ANKFY1: variants seen among roughly 807,000 people sequenced by gnomAD.
ANKFY1 encodes the protein ankyrin repeat and FYVE domain containing 1, also known as ankyrin repeat and FYVE domain-containing protein 1.
Under a neutral mutation model 128.3 loss-of-function variants are expected in ANKFY1, and 47 were observed. The ratio of observed to expected loss-of-function variants is 0.37; its 90% confidence interval spans 0.29 to 0.47. ANKFY1 has a LOEUF of 0.47. Ranked by LOEUF, ANKFY1 falls within the 20% of genes least tolerant of loss-of-function variation. The pLI, the probability that ANKFY1 is intolerant of heterozygous loss-of-function variation, is 1.00. For synonymous variants in ANKFY1, 553 were observed against 601.6 expected, an observed-to-expected ratio of 0.92 and a Z score of 1.18; for missense variants, 1,222 against 1,510.6, an observed-to-expected ratio of 0.81 and a Z score of 3.17.
intron 5 of ANKFY1, among the ~76,000 whole-genome samples, chr17:4,209,449 C>T (rs952683899): frequency 2.6e-5 from 4 of 152,206 alleles, no homozygotes; most frequent in Non-Finnish European, 4.4e-5. Flanking sequence ...TACAGGCACG[C>T]ACCACTGAGC....
intron 1 of ANKFY1, among the ~76,000 whole-genome samples, chr17:4,259,594 T>C (rs558891965): frequency 6.6e-6 from 1 of 152,240 alleles, no homozygotes; most frequent in Non-Finnish European, 1.5e-5. Flanking sequence ...AAACATTGTA[T>C]TTTAGTTGCT....
chr17:4,204,624 A>C (rs910142754), intron 7 of ANKFY1, among the ~76,000 whole-genome samples: 3 of 152,384 alleles, frequency 2.0e-5, no homozygotes, highest in African/African-American at 7.2e-5. Context: ...CAATCACCAA[A>C]ATATTTAATA....
intron 8 of ANKFY1, among the ~76,000 whole-genome samples, chr17:4,196,871 G>A (rs2059833876): frequency 1.3e-5 from 2 of 152,300 alleles, no homozygotes; most frequent in South Asian, 2.1e-4. Context: ...CGTAATCCCA[G>A]CACTTTGGGA....
intron 11 of ANKFY1, chr17:4,188,489 T>C (rs921866577): frequency 1.3e-5 from 2 of 152,058 alleles, no homozygotes; most frequent in African/African-American, 4.8e-5. Context: ...GACTCCAAAA[T>C]AGAGAATTGA....
At chr17:4,224,668 GT>G (rs869230102) in intron 3 of ANKFY1, among the ~76,000 whole-genome samples, 1 of 138,508 alleles carries the variant, frequency 7.2e-6, no homozygotes, top group East Asian at 2.1e-4. Flanking sequence ...CTGTTTGTTT[GT>G]TTTTTTTTAG....
rs545305899 is a variant in ANKFY1 at position 4,207,824 on chromosome 17, G to A, written c.732+109C>T. 449 of 1,155,026 alleles carry A rather than the reference G, an allele frequency of 3.9e-4. 6 individuals are homozygous for A. In the South Asian group the frequency reaches 7.5e-3, roughly 19 times the overall value. 71.5% of individuals were successfully genotyped at this position (1,155,026 alleles called of 1,614,324 possible). ...CAAACTATTTAGTAGAAATCCGTAC[G>A]TTAAAGACTGTGCCAGTCATGGCTC... On this transcript the variant is annotated intron_variant, in intron 6 of 24. Transcript: ENST00000341657.
intron 1 of ANKFY1, among the ~76,000 whole-genome samples, chr17:4,245,821 G>C (rs1398629388): frequency 6.6e-6 from 1 of 151,694 alleles, no homozygotes; most frequent in African/African-American, 2.4e-5. Flanking sequence ...GGCTGAGGCG[G>C]GCAGATCATG....
rs1197145889 is a variant in ANKFY1 at position 4,165,327 on chromosome 17, T to C, written c.*2452A>G. On this transcript the variant is annotated 3_prime_UTR_variant, in exon 25 of 25. Transcript: ENST00000341657. Reference sequence around the variant, plus strand: ...AGTTTACTTTTCCTGCTCTACTCATTCAGAAGTGGCAACTTTCTGAATGAA... The same window carrying C: ...AGTTTACTTTTCCTGCTCTACTCATCCAGAAGTGGCAACTTTCTGAATGAA... The C allele has an allele frequency of 6.6e-6, 1 of 152,234 alleles. No individual in the cohort carries two copies. Among genetic ancestry groups the C allele is most frequent in the East Asian group, 1.9e-4 (1 of 5,198 alleles). The allele number at this position is 152,234 out of a possible 1,614,324, so 9.4% of individuals were successfully genotyped here.
At chr17:4,258,523 CAAAA>C (rs547310575) in intron 1 of ANKFY1, among the ~76,000 whole-genome samples, 2 of 90,122 alleles carry the variant, frequency 2.2e-5, no homozygotes, top group Admixed American at 1.2e-4. Flanking sequence ...GACTCCAACT[CAAAA>C]AAAAAAAAAA....
At chr17:4,182,832 G>C (rs770627649) in intron 14 of ANKFY1, among the ~76,000 whole-genome samples, 1 of 152,172 alleles carries the variant, frequency 6.6e-6, no homozygotes, top group African/African-American at 2.4e-5. Flanking sequence ...AGGGTGGGCC[G>C]CAGTGGCTCA....
At chr17:4,195,231 T>C (rs2059795823) in intron 9 of ANKFY1, 54 bp from the exon 10 acceptor site, 4 of 1,525,928 alleles carry the variant, frequency 2.6e-6, no homozygotes, top group African/African-American at 1.4e-5. Context: ...AGACACTCTA[T>C]ACTGACAACA....
chr17:4,197,693 G>A, intron 7 of ANKFY1, 116 bp from the exon 8 acceptor site: 2 of 925,598 alleles, frequency 2.2e-6, no homozygotes, highest in Non-Finnish European at 1.7e-6. Flanking sequence ...AGATGTGTCT[G>A]AAGGAACCTC....
intron 4 of ANKFY1, among the ~76,000 whole-genome samples, chr17:4,211,583 C>T (rs1171804567): frequency 2.0e-5 from 3 of 151,700 alleles, no homozygotes; most frequent in Non-Finnish European, 4.4e-5. Flanking sequence ...AATAAGGAAA[C>T]ACGGCCAGGT....
intron 17 of ANKFY1, chr17:4,179,466 T>C: frequency 3.6e-6 from 2 of 559,818 alleles, no homozygotes; most frequent in East Asian, 3.0e-5. Flanking sequence ...GACTAAACTC[T>C]CAGAGGAAAT....
intron 4 of ANKFY1, among the ~76,000 whole-genome samples, chr17:4,214,871 G>A (rs1393531052): frequency 6.6e-6 from 1 of 152,138 alleles, no homozygotes; most frequent in Non-Finnish European, 1.5e-5. Flanking sequence ...CAATGATTTA[G>A]TTACAAATGA....
At chr17:4,222,360 C>A in intron 3 of ANKFY1, 1 of 770,148 alleles carries the variant, frequency 1.3e-6, no homozygotes, top group Non-Finnish European at 2.4e-6. Flanking sequence ...TTATTCACTA[C>A]GCTCTGTCCT....
chr17:4,253,763 T>G (rs116297665), intron 1 of ANKFY1, among the ~76,000 whole-genome samples: 238 of 152,266 alleles, frequency 1.6e-3, no homozygotes, highest in African/African-American at 5.5e-3. Flanking sequence ...TCTTGAACCA[T>G]GTGGCATGCG....
chr17:4,191,907 G>T (rs77125863), intron 10 of ANKFY1, among the ~76,000 whole-genome samples: 1 of 37,628 alleles, frequency 2.7e-5, no homozygotes, highest in Non-Finnish European at 8.0e-5. Flanking sequence ...ATCTGGAGAC[G>T]CCTAGTTGAT....
At chr17:4,174,429 T>C (rs901367876) in intron 19 of ANKFY1, among the ~76,000 whole-genome samples, 9 of 152,156 alleles carry the variant, frequency 5.9e-5, no homozygotes, top group African/African-American at 2.2e-4. Context: ...TAAAAAATTG[T>C]AATAGGTACA....
Sources: gnomAD v4.1 joint callset for allele counts (sites outside exome capture counted in the v4.1 genomes callset) on GRCh38, gnomAD v4.1.1 for gene constraint, MANE v1.5 for transcripts, NCBI Gene and HGNC (gene_info 2026-07-23, HGNC 2026-07-21) for gene names.